APOL4: variants seen among roughly 807,000 people sequenced by gnomAD.
APOL4 encodes the protein apolipoprotein L, 4.
Under a neutral mutation model 12.1 loss-of-function variants are expected in APOL4, and 14 were observed. The observed-to-expected ratio is 1.16, with a 90% CI of 0.76 to 1.81. APOL4 has a LOEUF of 1.81. Ranked by LOEUF, APOL4 falls within the 40% of genes most tolerant of loss-of-function variation. APOL4 has a pLI of 0.00. For missense variants in APOL4, 432 were observed against 423.1 expected (o/e 1.02, Z -0.18); for synonymous variants, 171 against 160.6 (o/e 1.06, Z -0.49).
At position 36,191,573 on chromosome 22, in the gene APOL4, C is replaced by T. The variant is rs370797006; in HGVS notation, c.549G>A (p.Gly183=). 1.3e-5 allele frequency: 21 copies of T among 1,613,606 alleles called. No homozygotes were observed. The highest frequency in any genetic ancestry group is 1.8e-5 in the Non-Finnish European group (21 of 1,179,786). Reference sequence around the variant, plus strand: ...TGTTCTCCACGATGCTGGAGGCGATCCCAGCCGTGGCAGATGCTATTCCCA... The same window carrying T: ...TGTTCTCCACGATGCTGGAGGCGATTCCAGCCGTGGCAGATGCTATTCCCA... ...VGLGIASATA[G]IASSIVENTY... is the part of the protein sequence containing the mutation. The change falls in exon 4 of 4, where the codon GGG becomes GGA. Residue 183 remains glycine (G), a synonymous_variant. Coordinates refer to ENST00000683024, the MANE Select transcript of APOL4 (RefSeq NM_001386885.1).
rs1216358919 is a variant in APOL4 at position 36,191,699 on chromosome 22, A to G, written c.423T>C (p.Asn141=). 6.2e-7 allele frequency: 1 copy of G among 1,613,952 alleles called. No individual in the cohort carries two copies. The highest frequency in any genetic ancestry group is 2.2e-5 in the East Asian group (1 of 44,900). ...GGATGCCAGTGGAGCCAGACACCAC[A>G]TTGGCGATGACGCAGCCTCTGTGGA... is the stretch of plus-strand genomic sequence containing the variant. ...EKVHRGCVIA[N]VVSGSTGILS... The change falls in exon 4 of 4, where the codon AAT becomes AAC. Residue 141 remains asparagine, a synonymous_variant. Transcript: ENST00000683024.
At chr22:36,201,593 AC>A (rs2014578545) in intron 1 of APOL4, 106 bp downstream of exon 1, 2 of 1,103,630 alleles carry the variant, frequency 1.8e-6, no homozygotes, top group African/African-American at 5.1e-5. Flanking sequence ...TCACTGTGTG[AC>A]CCCCTAGGCC....
chr22:36,200,054 G>T (rs186834019), intron 1 of APOL4, among the ~76,000 whole-genome samples: 2 of 151,500 alleles, frequency 1.3e-5, no homozygotes, highest in African/African-American at 2.4e-5. Context: ...TGATCAGCCC[G>T]TCTCGGCCTC....
intron 1 of APOL4, among the ~76,000 whole-genome samples, chr22:36,201,387 C>T (rs1180330895): frequency 1.3e-5 from 2 of 151,010 alleles, no homozygotes; most frequent in East Asian, 3.9e-4. Context: ...CCCTCTTTCC[C>T]TTTCCTGCCT....
Position 36,191,896 on chromosome 22 carries a change from G to A in APOL4, c.226C>T (p.Leu76Phe), listed in dbSNP as rs751459617. ...AELPREEADA[L>F]YEALKNLTPY... ...GTAAGATTCTTCAGAGCTTCATAGAGAGCATCTGCCTCTTCCCTGTACCAA... is the reference window on the plus strand; with the variant it reads ...GTAAGATTCTTCAGAGCTTCATAGAAAGCATCTGCCTCTTCCCTGTACCAA... The change falls in exon 4 of 4, where the codon CTC becomes TTC. Residue 76 changes from leucine (L) to phenylalanine (F), a missense_variant. Coordinates refer to ENST00000683024, the MANE Select transcript of APOL4 (RefSeq NM_001386885.1). 3.1e-6 allele frequency: 5 copies of A among 1,601,658 alleles called. No homozygotes were observed. The African/African-American group carries it at 5.4e-5, about 17-fold the overall frequency.
intron 1 of APOL4, chr22:36,201,449 A>G (rs132723): frequency 0.34 from 300,704 of 895,986 alleles, 51,166 homozygotes; most frequent in East Asian, 0.83. Flanking sequence ...CCCCCATGCA[A>G]CAAGGGTAAA....
In APOL4 at chr22:36,191,192, CAG is replaced by C; in HGVS notation, c.928_929del (p.Leu310GlyfsTer12). On this transcript the variant is annotated frameshift_variant, in exon 4 of 4. Coordinates refer to ENST00000683024, the MANE Select transcript of APOL4 (RefSeq NM_001386885.1). LOFTEE classifies it low-confidence loss of function (END_TRUNC). ...CGGATTTTGCCCCCTTGTGCAAGTC[CAG>C]TGAGTCTTGCACAAGGTTGACTACA... ...LDVVNLVQDS[L>X]DLHKGAKSES... 6.2e-7 allele frequency: 1 copy of C among 1,613,796 alleles called. No homozygotes were observed. Among genetic ancestry groups the C allele is most frequent in the South Asian group, 1.1e-5 (1 of 91,024 alleles).
rs761737045 is a variant in APOL4 at position 36,191,233 on chromosome 22, G to A, written c.889C>T (p.Leu297Phe). The A allele has an allele frequency of 1.2e-6, 2 of 1,614,022 alleles. No homozygotes were observed. The highest frequency in any genetic ancestry group is 1.7e-6 in the Non-Finnish European group (2 of 1,179,896). The change falls in exon 4 of 4, where the codon CTT becomes TTT. Residue 297 changes from leucine (L) to phenylalanine (F), a missense_variant. Leu to Phe is a conservative substitution (Grantham distance 22). Coordinates refer to ENST00000683024, the MANE Select transcript of APOL4 (RefSeq NM_001386885.1). Reference sequence around the variant, plus strand: ...AGGTTGACTACATCCAGCACAACAAGGACACCTGAAGTGGCCTTGCCCAGG... The same window carrying A: ...AGGTTGACTACATCCAGCACAACAAAGACACCTGAAGTGGCCTTGCCCAGG... ...RNLGKATSGV[L>F]VVLDVVNLVQ... is the part of the protein sequence containing the mutation.
rs557995256 is a variant in APOL4 at position 36,191,062 on chromosome 22, G to C, written c.*13C>G. On this transcript the variant is annotated 3_prime_UTR_variant, in exon 4 of 4. Coordinates refer to ENST00000683024, the MANE Select transcript of APOL4 (RefSeq NM_001386885.1). ...CTCCGTTTGGGGTCCCTGACTTCCC[G>C]CAACAATTGGGCCTAGCCTGCTTTT... 3 of 1,570,210 alleles carry C rather than the reference G, an allele frequency of 1.9e-6. No homozygotes were observed. Among genetic ancestry groups the C allele is most frequent in the Non-Finnish European group, 2.6e-6 (3 of 1,155,708 alleles).
intron 2 of APOL4, among the ~76,000 whole-genome samples, chr22:36,196,414 G>A (rs1386995621): frequency 6.6e-6 from 1 of 152,168 alleles, no homozygotes; most frequent in Non-Finnish European, 1.5e-5. Flanking sequence ...GGTGCATATG[G>A]TTTATCACTG....
chr22:36,193,361 T>C (rs904193104), intron 3 of APOL4, among the ~76,000 whole-genome samples: 1 of 152,174 alleles, frequency 6.6e-6, no homozygotes, highest in Non-Finnish European at 1.5e-5. Context: ...TTCATAGGAA[T>C]TTTTCCTTAA....
rs2014193154 is a variant in APOL4 at position 36,189,720 on chromosome 22, CT to C, written c.*1354del. 2.6e-5 allele frequency: 4 copies of C among 152,618 alleles called. No homozygotes were observed. The highest frequency in any genetic ancestry group is 2.6e-4 in the Admixed American group (4 of 15,282). The allele number at this position is 152,618 out of a possible 1,614,324, so 9.5% of individuals were successfully genotyped here. ...TTCCTCCCCCAATATACTCTTTAGT[CT>C]AGAGTAAACTGCTTCTTTCCATTCC... On this transcript the variant is annotated 3_prime_UTR_variant, in exon 4 of 4. Transcript: ENST00000683024.
intron 3 of APOL4, among the ~76,000 whole-genome samples, chr22:36,192,446 T>C (rs1172040771): frequency 6.6e-6 from 1 of 152,226 alleles, no homozygotes; most frequent in Non-Finnish European, 1.5e-5. Context: ...TAAAGTCATC[T>C]TCCGATGCTC....
chr22:36,193,088 G>A lies in APOL4; in HGVS notation c.210-1176C>T, dbSNP rs1603477729. On this transcript the variant is annotated intron_variant, in intron 3 of 3. Coordinates refer to ENST00000683024, the MANE Select transcript of APOL4 (RefSeq NM_001386885.1). Reference sequence around the variant, plus strand: ...AGGATCCCCCCAGCTTGCTGTCTGAGCACACTTGCTCTCTGATCACGGTCT... The same window carrying A: ...AGGATCCCCCCAGCTTGCTGTCTGAACACACTTGCTCTCTGATCACGGTCT... 2.0e-5 allele frequency among the ~76,000 whole-genome samples: 3 copies of A among 152,296 alleles called. No homozygotes were observed. In the South Asian group the frequency reaches 6.2e-4, roughly 32 times the overall value.
In APOL4 at chr22:36,191,186, C is replaced by T; in HGVS notation, c.936G>A (p.Leu312=). ...CAGACTCGGATTTTGCCCCCTTGTG[C>T]AAGTCCAGTGAGTCTTGCACAAGGT... The part of the protein sequence containing the change: ...VVNLVQDSLD[L]HKGAKSESAE... The change falls in exon 4 of 4, where the codon TTG becomes TTA. Residue 312 remains leucine, a synonymous_variant. Coordinates refer to ENST00000683024, the MANE Select transcript of APOL4 (RefSeq NM_001386885.1). 6.2e-7 allele frequency: 1 copy of T among 1,613,546 alleles called. No homozygotes were observed. Among genetic ancestry groups the T allele is most frequent in the Non-Finnish European group, 8.5e-7 (1 of 1,179,694 alleles).
rs955485367 is a variant in APOL4, at chr22:36,190,020, G to A, written c.*1055C>T. On this transcript the variant is annotated 3_prime_UTR_variant, in exon 4 of 4. Coordinates refer to ENST00000683024, the MANE Select transcript of APOL4 (RefSeq NM_001386885.1). ...TCGGGGAACCTGCCCCGATGGTCACGTAGGTTCTTTTCTATTTTCCCTAAG... is the reference window on the plus strand; with the variant it reads ...TCGGGGAACCTGCCCCGATGGTCACATAGGTTCTTTTCTATTTTCCCTAAG... 7.0e-5 allele frequency: 13 copies of A among 186,918 alleles called. No homozygotes were observed. The highest frequency in any genetic ancestry group is 3.6e-4 in the South Asian group (3 of 8,240). 11.6% of individuals were successfully genotyped at this position (186,918 alleles called of 1,614,324 possible).
rs2014238029 is a variant in APOL4 at position 36,191,271 on chromosome 22, T to G, written c.851A>C (p.Lys284Thr). ...TRGAPTRIVR[K>T]VARNLGKATS... The stretch of plus-strand genomic sequence containing the variant: ...GGCCTTGCCCAGGTTCCGGGCTACT[T>G]TTCTCACTATCCGGGTGGGGGCCCC... Residue 284 changes from lysine to threonine, a missense_variant, in exon 4 of 4, where the codon AAA (lysine) becomes ACA (threonine). Transcript: ENST00000683024. 2.5e-6 allele frequency: 4 copies of G among 1,613,924 alleles called. No homozygotes were observed. In the African/African-American group the frequency reaches 5.3e-5, roughly 22 times the overall value.
At chr22:36,204,184 C>T (rs1254992515), upstream of APOL4, among the ~76,000 whole-genome samples, 3 of 152,298 alleles carry the variant, frequency 2.0e-5, no homozygotes, top group Non-Finnish European at 4.4e-5. Flanking sequence ...CTTGCCTCAT[C>T]AGGCCTCAGC....
chr22:36,191,819 A>G lies in APOL4; in HGVS notation c.303T>C (p.Phe101=), dbSNP rs769468185. 1 of 1,613,886 alleles carries G rather than the reference A, an allele frequency of 6.2e-7. No homozygotes were observed. The highest frequency in any genetic ancestry group is 1.1e-5 in the South Asian group (1 of 91,076). ...GAAACTCTTTCAAAAACCACTCCCT[A>G]AACTGCTGTTCTTTTTGCTGCATGT... The part of the protein sequence containing the change: ...DKDMQQKEQQ[F]REWFLKEFPQ... The change falls in exon 4 of 4, where the codon TTT becomes TTC. Residue 101 remains phenylalanine, a synonymous_variant. Transcript: ENST00000683024.
Sources: allele counts gnomAD v4.1 joint callset (sites outside exome capture counted in the v4.1 genomes callset), GRCh38; gene constraint gnomAD v4.1.1; transcripts MANE v1.5; gene names NCBI Gene and HGNC (gene_info 2026-07-23, HGNC 2026-07-21).